GDF1: variants seen among roughly 807,000 people sequenced by gnomAD.
GDF1 encodes the protein growth differentiation factor 1.
Under a neutral mutation model 7.4 loss-of-function variants are expected in GDF1, and 8 were observed. The observed-to-expected ratio is 1.09, with a 90% CI of 0.64 to 1.96. The LOEUF is 1.96. Ranked by LOEUF, GDF1 falls within the 30% of genes most tolerant of loss-of-function variation. GDF1 has a pLI of 0.00. For missense variants in GDF1, 574 were observed against 551.5 expected, an observed-to-expected ratio of 1.04 and a Z score of -0.41; for synonymous variants, 311 against 276.7, an observed-to-expected ratio of 1.12 and a Z score of -1.23.
Position 18,870,482 on chromosome 19 carries a change from G to A in GDF1, c.-175C>T. 1 of 578,844 alleles carries A rather than the reference G, an allele frequency of 1.7e-6. No homozygotes were observed. The highest frequency in any genetic ancestry group is 2.0e-5 in the South Asian group (1 of 49,882). The allele number at this position is 578,844 out of a possible 1,614,324, so 35.9% of individuals were successfully genotyped here. A position where few individuals can be genotyped will look rare whatever the true frequency, so the allele number is the denominator to read the frequency against. On this transcript the variant is annotated 5_prime_UTR_variant, in exon 7 of 8. Transcript: ENST00000247005. This position sits in a 1 kb window ranked among gnomAD's most constrained non-coding sequence, Gnocchi z 5.1. ...GGGAGGTGGCGGCGGCCCTAGAGGA[G>A]CAGAGTTGGAGGGGGTGGAGGGGCG...
intron 2 of GDF1, among the ~76,000 whole-genome samples, chr19:18,888,149 C>A (rs529012720): frequency 2.7e-4 from 41 of 152,230 alleles, no homozygotes; most frequent in Admixed American, 3.3e-4. Flanking sequence ...CACTTGAGGT[C>A]AGAAGTTCAA....
chr19:18,880,192 T>A, intron 4 of GDF1, 82 bp downstream of exon 4: 5 of 1,285,940 alleles, frequency 3.9e-6, no homozygotes, highest in Middle Eastern at 3.1e-4. Context: ...CCTCCTTCCC[T>A]GCCTGGTCCC....
chr19:18,885,933 A>G (rs1568303008), intron 2 of GDF1, among the ~76,000 whole-genome samples: 1 of 152,050 alleles, frequency 6.6e-6, no homozygotes. Flanking sequence ...CGGGCACACC[A>G]TGCCACCAAG....
At chr19:18,879,131 A>C (rs2056127616) in intron 5 of GDF1, 92 bp from the exon 6 acceptor site, 2 of 1,586,240 alleles carry the variant, frequency 1.3e-6, no homozygotes, top group Non-Finnish European at 1.7e-6. Context: ...GGCCCTCCAC[A>C]CGGGCTGTCT....
In GDF1 at chr19:18,891,723, G is replaced by A. The variant is rs556984625; in HGVS notation, c.-914+1693C>T. Among the ~76,000 whole-genome samples, 13 of 147,684 alleles carry A rather than the reference G, an allele frequency of 8.8e-5. No homozygotes were observed. The South Asian group carries it at 2.4e-3, about 27-fold the overall frequency. ...CTCCCAAGTAGCTGGTACTACAGAC[G>A]TGCCCCACCATACCAGGCTAATTTT... On this transcript the variant is annotated intron_variant, in intron 2 of 7. Transcript: ENST00000247005.
chr19:18,886,632 C>T (rs2056368701), intron 2 of GDF1, among the ~76,000 whole-genome samples: 1 of 152,228 alleles, frequency 6.6e-6, no homozygotes, highest in Admixed American at 6.5e-5. Context: ...CAACCTGGAA[C>T]TCTCTGGGTT....
intron 2 of GDF1, among the ~76,000 whole-genome samples, chr19:18,888,889 CTTT>C (rs756124590): frequency 4.1e-5 from 5 of 122,918 alleles, no homozygotes; most frequent in Admixed American, 8.3e-5. Context: ...TTCTTTCTTT[CTTT>C]TTTTTTTTTT....
chr19:18,877,427 C>A (rs984105791), intron 6 of GDF1, among the ~76,000 whole-genome samples: 12 of 152,314 alleles, frequency 7.9e-5, no homozygotes, highest in Non-Finnish European at 7.3e-5. Flanking sequence ...TTGGAAGACT[C>A]CTTGGAGAGA....
chr19:18,878,027 G>A lies in GDF1; in HGVS notation c.-313+903C>T, dbSNP rs1010284824. 7.1e-6 allele frequency: 7 copies of A among 985,464 alleles called. No individual in the cohort carries two copies. Among genetic ancestry groups the A allele is most frequent in the Non-Finnish European group, 7.2e-6 (6 of 829,970 alleles). 61.0% of individuals were successfully genotyped at this position (985,464 alleles called of 1,614,324 possible). The stretch of plus-strand genomic sequence containing the variant: ...CGCTCCTCTGCCTGGCTACAGCCCC[G>A]GATGTGTTAAATGTCTGCATCTCGC... On this transcript the variant is annotated intron_variant, in intron 6 of 7. Coordinates refer to ENST00000247005, the MANE Select transcript of GDF1 (RefSeq NM_001492.6). The surrounding 1 kb of genome is among the most constrained non-coding windows in gnomAD (Gnocchi z 4.6).
chr19:18,890,016 GC>G (rs2146058051), intron 2 of GDF1, among the ~76,000 whole-genome samples: 1 of 152,228 alleles, frequency 6.6e-6, no homozygotes, highest in Non-Finnish European at 1.5e-5. Flanking sequence ...CCTGCTGTCA[GC>G]CCCCTCCTGG....
chr19:18,890,157 C>T (rs1366957771), intron 2 of GDF1, among the ~76,000 whole-genome samples: 1 of 152,208 alleles, frequency 6.6e-6, no homozygotes, highest in Non-Finnish European at 1.5e-5. Context: ...GACAGCAGTC[C>T]CTGCCTCTCC....
Position 18,871,243 on chromosome 19 carries a change from T to C in GDF1, c.-312-624A>G, listed in dbSNP as rs1046632446. ...CAGCAATTTTTTTTTTTTTTTTTTT[T>C]TGAGACAGAATCTTGCTCTGTTGCC... On this transcript the variant is annotated intron_variant, in intron 6 of 7. Transcript: ENST00000247005. Among the ~76,000 whole-genome samples, 8 of 90,412 alleles carry C rather than the reference T, an allele frequency of 8.8e-5. No individual in the cohort carries two copies. The Admixed American group carries it at 9.4e-4, about 11-fold the overall frequency. The allele number at this position is 90,412 out of a possible 152,430, so 59.3% of individuals were successfully genotyped here.
intron 4 of GDF1, among the ~76,000 whole-genome samples, chr19:18,879,895 T>A (rs553275757): frequency 6.6e-6 from 1 of 150,450 alleles, no homozygotes; most frequent in Admixed American, 6.6e-5. Flanking sequence ...CCCTACCTCT[T>A]TCTCTGCCTA....
chr19:18,888,274 G>A (rs1375514806), intron 2 of GDF1, among the ~76,000 whole-genome samples: 5 of 151,950 alleles, frequency 3.3e-5, no homozygotes, highest in South Asian at 2.1e-4. Context: ...CAGGAGAATC[G>A]CTTGAACCTG....
chr19:18,881,378 G>A lies in GDF1; in HGVS notation c.-732-943C>T, dbSNP rs147508019. ...TGGCATTACAGGTATGTGCCACCAC[G>A]CCCAGTTAATTTTGTATTTTTAGTA... On this transcript the variant is annotated intron_variant, in intron 3 of 7. Transcript: ENST00000247005. Among the ~76,000 whole-genome samples, 1,405 of 151,882 alleles carry A rather than the reference G, an allele frequency of 9.3e-3. 53 individuals carry two copies. The highest frequency in any genetic ancestry group is 0.068 in the Admixed American group (1,038 of 15,246).
intron 4 of GDF1, 96 bp from the exon 5 acceptor site, chr19:18,879,484 A>G (rs2146013908): frequency 7.0e-7 from 1 of 1,421,560 alleles, no homozygotes; most frequent in Non-Finnish European, 9.4e-7. Flanking sequence ...TTGCCCCCTT[A>G]TCCCATCCTT....
At chr19:18,869,716 A>C (rs1227945754) in intron 7 of GDF1, among the ~76,000 whole-genome samples, 1 of 88,042 alleles carries the variant, frequency 1.1e-5, no homozygotes, top group Non-Finnish European at 2.1e-5. Context: ...GGAAGGCATT[A>C]GTGTCAAGAG....
chr19:18,885,145 A>G (rs1318807549), intron 2 of GDF1, among the ~76,000 whole-genome samples: 5 of 152,294 alleles, frequency 3.3e-5, no homozygotes, highest in Admixed American at 2.0e-4. Context: ...TAAGTGGTAT[A>G]TTTGCTACAA....
chr19:18,872,723 C>A (rs1278556962), intron 6 of GDF1, among the ~76,000 whole-genome samples: 1 of 83,344 alleles, frequency 1.2e-5, no homozygotes, highest in Non-Finnish European at 2.6e-5. Flanking sequence ...ACCATGTTGG[C>A]CAGGCTGGTC....
Sources: gnomAD v4.1 joint callset for allele counts (sites outside exome capture counted in the v4.1 genomes callset) on GRCh38, gnomAD v4.1.1 for gene constraint, Gnocchi (gnomAD v3.1) non-coding constraint, MANE v1.5 for transcripts, NCBI Gene and HGNC (gene_info 2026-07-23, HGNC 2026-07-21) for gene names.